BCAS3: variants seen among roughly 807,000 people sequenced by gnomAD.
BCAS3 encodes the protein BCAS4/BCAS3 fusion.
Under a neutral mutation model 116.1 loss-of-function variants are expected in BCAS3, and 53 were observed. That is an observed-to-expected ratio of 0.46 (90% confidence interval 0.37 to 0.57). BCAS3 has a LOEUF of 0.57. Ranked by LOEUF, BCAS3 falls within the 20% of genes least tolerant of loss-of-function variation. BCAS3 has a pLI of 0.00. For synonymous variants in BCAS3, 391 were observed against 408.2 expected, an observed-to-expected ratio of 0.96 and a Z score of 0.51; for missense variants, 917 against 1,165.4, an observed-to-expected ratio of 0.79 and a Z score of 3.10.
At chr17:60,865,473 T>C (rs1297612304) in intron 7 of BCAS3, among the ~76,000 whole-genome samples, 4 of 152,230 alleles carry the variant, frequency 2.6e-5, no homozygotes, top group Non-Finnish European at 4.4e-5. Flanking sequence ...CTGCATGTTA[T>C]AGTTTTTAGT....
At chr17:60,842,716 G>A (rs575408863) in intron 7 of BCAS3, among the ~76,000 whole-genome samples, 1 of 151,982 alleles carries the variant, frequency 6.6e-6, no homozygotes, top group South Asian at 2.1e-4. Flanking sequence ...CTACTCTAAC[G>A]TTAAGTTTCT....
At chr17:60,787,046 G>A (rs2046340881) in intron 6 of BCAS3, among the ~76,000 whole-genome samples, 1 of 152,086 alleles carries the variant, frequency 6.6e-6, no homozygotes, top group African/African-American at 2.4e-5. Flanking sequence ...AGGAACAAAA[G>A]CTCACCTTTT....
chr17:61,000,953 A>C (rs996302849), intron 15 of BCAS3, among the ~76,000 whole-genome samples: 2 of 152,154 alleles, frequency 1.3e-5, no homozygotes, highest in Non-Finnish European at 2.9e-5. Flanking sequence ...TTTCCATTTT[A>C]GGTTCAAAAA....
At chr17:60,907,634 A>T (rs998259249) in intron 11 of BCAS3, among the ~76,000 whole-genome samples, 6 of 152,180 alleles carry the variant, frequency 3.9e-5, no homozygotes, top group Non-Finnish European at 8.8e-5. Flanking sequence ...GCTACAGTTT[A>T]GTTCTGTGAG....
In BCAS3 at chr17:61,051,719, T is replaced by A. The variant is rs1338131960; in HGVS notation, c.2029+10827T>A. On this transcript the variant is annotated intron_variant, in intron 19 of 23. Transcript: ENST00000407086. This position sits in a 1 kb window ranked among gnomAD's most constrained non-coding sequence, Gnocchi z 4.1. ...CTTGAGTGATCCTCCTGCCTCAGCC[T>A]CCTGAGTACCTGGGACTATAGGCTC... 6.6e-6 allele frequency among the ~76,000 whole-genome samples: 1 copy of A among 152,148 alleles called. No homozygotes were observed. Among genetic ancestry groups the A allele is most frequent in the African/African-American group, 2.4e-5 (1 of 41,426 alleles).
intron 7 of BCAS3, chr17:60,821,857 G>C (rs2049997882): frequency 6.6e-6 from 1 of 152,022 alleles, no homozygotes; most frequent in Non-Finnish European, 1.5e-5. Flanking sequence ...TGTGTTTTTT[G>C]TAGAAACAGG....
In BCAS3 at chr17:61,282,643, C is replaced by A. The variant is rs987944114; in HGVS notation, c.2426-85684C>A. Among the ~76,000 whole-genome samples, 1 of 152,180 alleles carries A rather than the reference C, an allele frequency of 6.6e-6. No homozygotes were observed. The highest frequency in any genetic ancestry group is 2.4e-5 in the African/African-American group (1 of 41,450). On this transcript the variant is annotated intron_variant, in intron 22 of 23. Coordinates refer to ENST00000407086, the MANE Select transcript of BCAS3 (RefSeq NM_017679.5). The surrounding 1 kb of genome is among the most constrained non-coding windows in gnomAD (Gnocchi z 5.9). ...TTTGTATTGGTCGTTGTTAATAAAA[C>A]AGAGTATCTGGGGTGTTTGAAAAAG...
At chr17:61,310,553 C>CAAA (rs374976012) in intron 22 of BCAS3, among the ~76,000 whole-genome samples, 1 of 97,166 alleles carries the variant, frequency 1.0e-5, no homozygotes, top group Non-Finnish European at 2.5e-5. Flanking sequence ...GACTCTGTCT[C>CAAA]AAAAAAAAAA....
At chr17:61,129,503 C>G (rs578084987) in intron 22 of BCAS3, among the ~76,000 whole-genome samples, 9 of 152,318 alleles carry the variant, frequency 5.9e-5, no homozygotes, top group African/African-American at 1.9e-4. Context: ...ACAACTTGCT[C>G]TGGTTGCCAT....
intron 4 of BCAS3, among the ~76,000 whole-genome samples, chr17:60,699,703 A>G (rs528878157): frequency 6.6e-6 from 1 of 152,236 alleles, no homozygotes; most frequent in East Asian, 1.9e-4. Context: ...TTTGATTTTT[A>G]TCTTTGAGAA....
At chr17:60,928,863 C>T (rs57332886) in intron 13 of BCAS3, among the ~76,000 whole-genome samples, 27,633 of 151,986 alleles carry the variant, frequency 0.18, 2,790 homozygotes, top group African/African-American at 0.28. Context: ...GTTTCTGGTT[C>T]ATATTTACTC....
In BCAS3 at chr17:61,286,624, T is replaced by A. The variant is rs1199145721; in HGVS notation, c.2426-81703T>A. On this transcript the variant is annotated intron_variant, in intron 22 of 23. Coordinates refer to ENST00000407086, the MANE Select transcript of BCAS3 (RefSeq NM_017679.5). This position sits in a 1 kb window ranked among gnomAD's most constrained non-coding sequence, Gnocchi z 4.8. ...AGTGTGCCAGGATCTGTGGGCACGC[T>A]GTTAGCAGGGCTAAGTTAAATACTC... is the stretch of plus-strand genomic sequence containing the variant. 6.6e-6 allele frequency among the ~76,000 whole-genome samples: 1 copy of A among 152,124 alleles called. No homozygotes were observed. The highest frequency in any genetic ancestry group is 2.4e-5 in the African/African-American group (1 of 41,426).
chr17:61,177,919 G>A (rs935938447), intron 22 of BCAS3, among the ~76,000 whole-genome samples: 2 of 151,976 alleles, frequency 1.3e-5, no homozygotes, highest in Admixed American at 1.3e-4. Context: ...TTTGATTTTG[G>A]ACTAAACATT....
In BCAS3 at chr17:60,911,123, C is replaced by CT. The variant is rs1162942971; in HGVS notation, c.993+438dup. Among the ~76,000 whole-genome samples the CT allele has an allele frequency of 1.1e-3, 94 of 88,260 alleles. 4 individuals carry two copies. The Middle Eastern group carries it at 0.038, about 36-fold the overall frequency. The allele number at this position is 88,260 out of a possible 152,430, so 57.9% of individuals were successfully genotyped here. A position where few individuals can be genotyped will look rare whatever the true frequency, so the allele number is the denominator to read the frequency against. On this transcript the variant is annotated intron_variant, in intron 12 of 23. Transcript: ENST00000407086. The stretch of plus-strand genomic sequence containing the variant: ...AATAAATTTTTTTCTTTTTTTCTTT[C>CT]TTTTTTTTTTTTTTTTTGAGATGGA...
At chr17:60,848,169 C>G (rs2052698464) in intron 7 of BCAS3, among the ~76,000 whole-genome samples, 1 of 152,184 alleles carries the variant, frequency 6.6e-6, no homozygotes, top group Admixed American at 6.5e-5. Context: ...ATGTCTAATG[C>G]TAGGCCAGTT....
At position 61,128,190 on chromosome 17, in the gene BCAS3, C is replaced by G; in HGVS notation, c.2425+43626C>G. 1.0e-6 allele frequency: 1 copy of G among 985,344 alleles called. No individual in the cohort carries two copies. Among genetic ancestry groups the G allele is most frequent in the Non-Finnish European group, 1.2e-6 (1 of 829,904 alleles). The allele number at this position is 985,344 out of a possible 1,614,324, so 61.0% of individuals were successfully genotyped here. A position where few individuals can be genotyped will look rare whatever the true frequency, so the allele number is the denominator to read the frequency against. ...GGTTTTCTTTTAGGAAGCCTTCCAC[C>G]AGGAATAGTGTGAGTCAAGGATGAG... On this transcript the variant is annotated intron_variant, in intron 22 of 23. Transcript: ENST00000407086. This position sits in a 1 kb window ranked among gnomAD's most constrained non-coding sequence, Gnocchi z 4.1.
In BCAS3 at chr17:61,139,141, CT is replaced by C. The variant is rs1252033689; in HGVS notation, c.2425+54578del. Among the ~76,000 whole-genome samples the C allele has an allele frequency of 6.6e-6, 1 of 152,134 alleles. No homozygotes were observed. The highest frequency in any genetic ancestry group is 2.4e-5 in the African/African-American group (1 of 41,444). The stretch of plus-strand genomic sequence containing the variant: ...CTTTTTATTTATACCTATTTTCCCC[CT>C]GTACTTGTATTGCTAGTGATAGAAG... On this transcript the variant is annotated intron_variant, in intron 22 of 23. Transcript: ENST00000407086. This position sits in a 1 kb window ranked among gnomAD's most constrained non-coding sequence, Gnocchi z 4.7.
At position 61,126,485 on chromosome 17, in the gene BCAS3, A is replaced by C. The variant is rs547966025; in HGVS notation, c.2425+41921A>C. 2.4e-4 allele frequency among the ~76,000 whole-genome samples: 36 copies of C among 152,332 alleles called. 1 individual carries two copies. The highest frequency in any genetic ancestry group is 1.6e-3 in the Admixed American group (24 of 15,294). On this transcript the variant is annotated intron_variant, in intron 22 of 23. Coordinates refer to ENST00000407086, the MANE Select transcript of BCAS3 (RefSeq NM_017679.5). This position sits in a 1 kb window ranked among gnomAD's most constrained non-coding sequence, Gnocchi z 4.6. ...AGTCATTATATGATTTTGTATTTTA[A>C]GTATTTTCATAATCCAACATAAATT...
rs560151172 is a variant in BCAS3 at position 61,363,945 on chromosome 17, C to A, written c.2426-4382C>A. Among the ~76,000 whole-genome samples the A allele has an allele frequency of 6.6e-6, 1 of 152,302 alleles. No individual in the cohort carries two copies. Among genetic ancestry groups the A allele is most frequent in the South Asian group, 2.1e-4 (1 of 4,822 alleles). The stretch of plus-strand genomic sequence containing the variant: ...ACCCTCCAAGGGCTTGGCCTCTTCA[C>A]CCCAGTGCCTGCTGAAACACACCTG... On this transcript the variant is annotated intron_variant, in intron 22 of 23. Coordinates refer to ENST00000407086, the MANE Select transcript of BCAS3 (RefSeq NM_017679.5). The surrounding 1 kb of genome is among the most constrained non-coding windows in gnomAD (Gnocchi z 4.9).
Sources: allele counts gnomAD v4.1 joint callset (sites outside exome capture counted in the v4.1 genomes callset), GRCh38; gene constraint gnomAD v4.1.1; non-coding constraint Gnocchi (gnomAD v3.1); transcripts MANE v1.5; gene names NCBI Gene and HGNC (gene_info 2026-07-23, HGNC 2026-07-21).